PDE4D: variants seen among roughly 807,000 people sequenced by gnomAD.
PDE4D encodes the protein 3',5'-cyclic-AMP phosphodiesterase 4D.
A neutral mutation model predicts 87.4 loss-of-function variants in PDE4D; 24 were observed. The observed-to-expected ratio is 0.27, with a 90% CI of 0.20 to 0.39. The LOEUF is 0.39. PDE4D is among the 10% of genes least tolerant of loss of function. The pLI is 1.00. For synonymous variants in PDE4D, 384 were observed against 383.2 expected (o/e 1.00, Z -0.02); for missense variants, 714 against 1,041.0 (o/e 0.69, Z 4.32).
At chr5:59,224,633 C>G (rs760059102) in intron 1 of PDE4D, among the ~76,000 whole-genome samples, 2 of 152,114 alleles carry the variant, frequency 1.3e-5, no homozygotes, top group African/African-American at 4.8e-5. Context: ...TATGTTGAAG[C>G]CTTAATCACC....
chr5:59,102,550 G>T (rs1250483304), intron 5 of PDE4D, among the ~76,000 whole-genome samples: 1 of 152,128 alleles, frequency 6.6e-6, no homozygotes, highest in Non-Finnish European at 1.5e-5. Flanking sequence ...TCAGGATCTG[G>T]ATATGACCAT....
At chr5:60,043,283 A>C (rs555690488) in intron 2 of PDE4D, among the ~76,000 whole-genome samples, 54 of 152,250 alleles carry the variant, frequency 3.5e-4, no homozygotes, top group African/African-American at 1.2e-3. Flanking sequence ...GCCTCCAAGA[A>C]ATATGGGACT....
intron 1 of PDE4D, among the ~76,000 whole-genome samples, chr5:59,485,415 T>C (rs1804965145): frequency 6.6e-6 from 1 of 152,102 alleles, no homozygotes. Flanking sequence ...TAAAAAAAGA[T>C]ATACCCAGGA....
At chr5:60,109,197 G>A (rs534230512) in intron 2 of PDE4D, among the ~76,000 whole-genome samples, 20 of 152,214 alleles carry the variant, frequency 1.3e-4, no homozygotes, top group Non-Finnish European at 2.2e-4. Flanking sequence ...AAAAGTGGGC[G>A]AAGGCCATGA....
At chr5:59,905,336 A>C (rs1752701518) in intron 3 of PDE4D, among the ~76,000 whole-genome samples, 1 of 152,186 alleles carries the variant, frequency 6.6e-6, no homozygotes, top group African/African-American at 2.4e-5. Context: ...GCAGATTCAA[A>C]GATGTGGACT....
chr5:59,539,962 A>G (rs1816013131), intron 1 of PDE4D, among the ~76,000 whole-genome samples: 1 of 152,184 alleles, frequency 6.6e-6, no homozygotes, highest in Admixed American at 6.6e-5. Flanking sequence ...TATTCTTTGC[A>G]CCAGTGGATC....
intron 2 of PDE4D, among the ~76,000 whole-genome samples, chr5:60,135,303 T>C (rs1038136852): frequency 2.6e-4 from 40 of 152,308 alleles, no homozygotes; most frequent in African/African-American, 8.9e-4. Context: ...GGGAGATAAA[T>C]TTCTATTGTT....
chr5:59,674,156 G>C (rs1172187267), intron 1 of PDE4D, among the ~76,000 whole-genome samples: 1 of 152,046 alleles, frequency 6.6e-6, no homozygotes, highest in African/African-American at 2.4e-5. Flanking sequence ...CCTTAATATG[G>C]AAAATTATTC....
chr5:59,818,171 C>T (rs950195920), intron 1 of PDE4D, among the ~76,000 whole-genome samples: 9 of 152,166 alleles, frequency 5.9e-5, no homozygotes, highest in African/African-American at 1.9e-4. Context: ...GCTGTTTTAT[C>T]AGCATGTTTT....
chr5:59,988,731 T>C (rs760006350), intron 2 of PDE4D: 4 of 1,459,310 alleles, frequency 2.7e-6, no homozygotes, highest in Non-Finnish European at 3.8e-6. Flanking sequence ...AGGTAATAAT[T>C]CAAGAAAGTA....
At chr5:59,901,271 G>A (rs766295551) in intron 3 of PDE4D, among the ~76,000 whole-genome samples, 3 of 152,120 alleles carry the variant, frequency 2.0e-5, no homozygotes, top group Admixed American at 6.6e-5. Context: ...GCCAATTGAT[G>A]AGTTATTTAA....
chr5:60,454,523 A>G (rs1379459774), intron 1 of PDE4D, among the ~76,000 whole-genome samples: 1 of 152,204 alleles, frequency 6.6e-6, no homozygotes, highest in Non-Finnish European at 1.5e-5. Flanking sequence ...GCCAGAAGCC[A>G]TCATCCTCAG....
chr5:59,046,153 T>C (rs1361849535), intron 5 of PDE4D, among the ~76,000 whole-genome samples: 1 of 152,194 alleles, frequency 6.6e-6, no homozygotes, highest in Admixed American at 6.5e-5. Context: ...AAATGTTCGA[T>C]AAAGCTATTT....
chr5:59,277,403 T>C (rs564595124), intron 1 of PDE4D, among the ~76,000 whole-genome samples: 7 of 152,326 alleles, frequency 4.6e-5, no homozygotes, highest in Admixed American at 2.0e-4. Context: ...AGTATATTGC[T>C]GGCATTTTAA....
rs541865898 is a variant in PDE4D, at chr5:59,167,440, G to A, written c.808+13155C>T. On this transcript the variant is annotated intron_variant, in intron 5 of 14. Transcript: ENST00000340635. The stretch of plus-strand genomic sequence containing the variant: ...ACTTGTCATTCAACTCTGAGGTCTC[G>A]GTTTCACGACCAGTTCTTTTCTATT... 2.0e-5 allele frequency among the ~76,000 whole-genome samples: 3 copies of A among 152,166 alleles called. No individual in the cohort carries two copies. The East Asian group carries it at 5.8e-4, about 29-fold the overall frequency.
chr5:59,380,664 A>G (rs896533789), intron 1 of PDE4D, among the ~76,000 whole-genome samples: 7 of 152,190 alleles, frequency 4.6e-5, no homozygotes, highest in African/African-American at 1.7e-4. Context: ...TAGTGTTTAA[A>G]TTCATCAAAG....
intron 2 of PDE4D, among the ~76,000 whole-genome samples, chr5:60,109,640 A>G (rs1312957992): frequency 6.6e-6 from 1 of 152,254 alleles, no homozygotes; most frequent in Non-Finnish European, 1.5e-5. Context: ...GACTGGATTA[A>G]GAAAATGTGG....
intron 1 of PDE4D, among the ~76,000 whole-genome samples, chr5:60,378,333 C>T (rs1026333180): frequency 2.0e-5 from 3 of 152,158 alleles, no homozygotes; most frequent in East Asian, 1.9e-4. Flanking sequence ...CCATACTCTA[C>T]TCCTAATACC....
At chr5:60,053,114 C>A (rs1770379882) in intron 2 of PDE4D, among the ~76,000 whole-genome samples, 1 of 152,102 alleles carries the variant, frequency 6.6e-6, no homozygotes, top group African/African-American at 2.4e-5. Context: ...CCCATACTAC[C>A]CAAAGTAATT....
Sources: allele counts gnomAD v4.1 joint callset (sites outside exome capture counted in the v4.1 genomes callset), GRCh38; gene constraint gnomAD v4.1.1; transcripts MANE v1.5; gene names NCBI Gene and HGNC (gene_info 2026-07-23, HGNC 2026-07-21).